LYPD6B: variants seen among roughly 807,000 people sequenced by gnomAD.
The protein encoded by LYPD6B is ly6/PLAUR domain-containing protein 6B.
A neutral mutation model predicts 22.8 loss-of-function variants in LYPD6B; 17 were observed. That is an observed-to-expected ratio of 0.75 (90% CI 0.51 to 1.12). LYPD6B has a LOEUF of 1.12. Ranked by LOEUF, LYPD6B falls within the 50% of genes most tolerant of loss-of-function variation. The pLI is 0.00. For missense variants in LYPD6B, 221 were observed against 258.3 expected (o/e 0.86, Z 0.99); for synonymous variants, 106 against 91.6 (o/e 1.16, Z -0.90).
intron 6 of LYPD6B, among the ~76,000 whole-genome samples, chr2:149,213,702 T>A (rs539274453): frequency 6.6e-6 from 1 of 152,350 alleles, no homozygotes; most frequent in East Asian, 1.9e-4. Context: ...TATCAGTGGC[T>A]TTTAACTCTA....
intron 5 of LYPD6B, 104 bp downstream of exon 5, chr2:149,208,516 A>G: frequency 1.1e-6 from 1 of 906,342 alleles, no homozygotes. Context: ...TTCTGAGACT[A>G]TCCGGACATC....
intron 3 of LYPD6B, among the ~76,000 whole-genome samples, chr2:149,164,134 TCTC>T (rs1271910816): frequency 6.6e-6 from 1 of 152,052 alleles, no homozygotes; most frequent in African/African-American, 2.4e-5. Context: ...TAAGATTTAA[TCTC>T]CTCTGGTTGA....
intron 1 of LYPD6B, among the ~76,000 whole-genome samples, chr2:149,084,479 T>C (rs1021274500): frequency 2.7e-4 from 41 of 152,314 alleles, no homozygotes; most frequent in African/African-American, 9.6e-4. Context: ...TGCCTTGTTT[T>C]CTGGCACCAT....
intron 1 of LYPD6B, among the ~76,000 whole-genome samples, chr2:149,120,361 G>GTGTATGTATATATATATA (rs796413041): frequency 2.6e-5 from 1 of 38,756 alleles, no homozygotes; most frequent in East Asian, 9.3e-4. Context: ...GTGTGTGTGT[G>GTGTATGTATATATATATA]TATATATATA....
At chr2:149,092,190 T>TG (rs1336737085) in intron 1 of LYPD6B, among the ~76,000 whole-genome samples, 6 of 151,548 alleles carry the variant, frequency 4.0e-5, no homozygotes, top group South Asian at 2.1e-4. Flanking sequence ...ATTGTGGTGA[T>TG]GGGGGGGGAA....
intron 2 of LYPD6B, among the ~76,000 whole-genome samples, chr2:149,134,099 G>A (rs1022614994): frequency 6.6e-6 from 1 of 152,100 alleles, no homozygotes. Flanking sequence ...ATGAAGTGTC[G>A]TTCTGAGAAG....
chr2:149,171,088 A>G (rs1690782526), intron 3 of LYPD6B, among the ~76,000 whole-genome samples: 1 of 152,200 alleles, frequency 6.6e-6, no homozygotes, highest in Non-Finnish European at 1.5e-5. Context: ...AGTGTGAGAT[A>G]GGACCTGGTT....
At chr2:149,145,010 A>T (rs1332846768) in intron 2 of LYPD6B, among the ~76,000 whole-genome samples, 1 of 152,112 alleles carries the variant, frequency 6.6e-6, no homozygotes, top group Non-Finnish European at 1.5e-5. Flanking sequence ...AACCCCCTAA[A>T]CTGAGAGTGT....
chr2:149,172,547 G>C (rs1690913309), intron 3 of LYPD6B, among the ~76,000 whole-genome samples: 1 of 152,026 alleles, frequency 6.6e-6, no homozygotes, highest in South Asian at 2.1e-4. Context: ...CAGGACATCT[G>C]TTCTGTGGAC....
At chr2:149,152,137 A>T (rs1206073512) in intron 2 of LYPD6B, among the ~76,000 whole-genome samples, 1 of 152,062 alleles carries the variant, frequency 6.6e-6, no homozygotes, top group African/African-American at 2.4e-5. Context: ...TGTTTCTTTT[A>T]TGATACTTAG....
chr2:149,211,726 A>G (rs1693866195), intron 5 of LYPD6B, among the ~76,000 whole-genome samples: 1 of 152,082 alleles, frequency 6.6e-6, no homozygotes, highest in Non-Finnish European at 1.5e-5. Flanking sequence ...TCTCAGCTTT[A>G]GTCCAATTTT....
intron 1 of LYPD6B, chr2:149,119,224 G>A (rs1345853659): frequency 6.6e-6 from 1 of 152,086 alleles, no homozygotes; most frequent in Non-Finnish European, 1.5e-5. Flanking sequence ...TATGAAATGG[G>A]AATGGCAATA....
intron 3 of LYPD6B, among the ~76,000 whole-genome samples, chr2:149,192,492 T>C (rs967089387): frequency 1.3e-5 from 2 of 150,816 alleles, no homozygotes; most frequent in Non-Finnish European, 2.9e-5. Context: ...CAGAGAATGA[T>C]CAGATGGTCA....
At chr2:149,149,958 C>T (rs1386255417) in intron 2 of LYPD6B, among the ~76,000 whole-genome samples, 1 of 152,134 alleles carries the variant, frequency 6.6e-6, no homozygotes, top group Admixed American at 6.5e-5. Context: ...ACCACTCTTT[C>T]TTGTCTTATC....
At position 149,189,889 on chromosome 2, in the gene LYPD6B, C is replaced by T. The variant is rs372459681; in HGVS notation, c.78-15364C>T. Among the ~76,000 whole-genome samples the T allele has an allele frequency of 1.9e-3, 284 of 152,278 alleles. 1 individual carries two copies. Among genetic ancestry groups the T allele is most frequent in the Admixed American group, 4.0e-3 (61 of 15,298 alleles). ...CAAAAATGCTATTTTGTACCATCTGCTGTTTGAATTTTTCAAGTCATTGGT... is the reference window on the plus strand; with the variant it reads ...CAAAAATGCTATTTTGTACCATCTGTTGTTTGAATTTTTCAAGTCATTGGT... On this transcript the variant is annotated intron_variant, in intron 3 of 6. Coordinates refer to ENST00000409642, the MANE Select transcript of LYPD6B (RefSeq NM_177964.5).
At chr2:149,109,692 T>G (rs1283987722) in intron 1 of LYPD6B, among the ~76,000 whole-genome samples, 1 of 152,048 alleles carries the variant, frequency 6.6e-6, no homozygotes, top group African/African-American at 2.4e-5. Flanking sequence ...TCACTTATGT[T>G]CCCTTTATTT....
At chr2:149,076,738 A>G (rs984996390) in intron 1 of LYPD6B, among the ~76,000 whole-genome samples, 1 of 152,218 alleles carries the variant, frequency 6.6e-6, no homozygotes, top group East Asian at 1.9e-4. Flanking sequence ...TATATGGGCT[A>G]TAATGTGGAT....
At chr2:149,083,804 C>T (rs1685249919) in intron 1 of LYPD6B, among the ~76,000 whole-genome samples, 1 of 152,116 alleles carries the variant, frequency 6.6e-6, no homozygotes, top group East Asian at 1.9e-4. Context: ...AGGCCGGGTG[C>T]AGTGGCTCAT....
chr2:149,069,083 CT>C (rs1298286993), intron 1 of LYPD6B, among the ~76,000 whole-genome samples: 313 of 141,056 alleles, frequency 2.2e-3, no homozygotes, highest in Middle Eastern at 3.6e-3. Context: ...ATTATGTAGA[CT>C]TTTTTTTTTT....
Sources: gnomAD v4.1 joint callset for allele counts (sites outside exome capture counted in the v4.1 genomes callset) on GRCh38, gnomAD v4.1.1 for gene constraint, MANE v1.5 for transcripts, NCBI Gene and HGNC (gene_info 2026-07-23, HGNC 2026-07-21) for gene names.